Variants in BMPER observed in about 807,000 individuals in gnomAD.
BMPER encodes the protein BMP-binding endothelial regulator protein.
A neutral mutation model predicts 87.3 loss-of-function variants in BMPER; 45 were observed. The ratio of observed to expected loss-of-function variants is 0.52; its 90% CI spans 0.41 to 0.66. The LOEUF (loss-of-function observed/expected upper bound fraction) is 0.66, where lower values mean the gene tolerates loss of function less well. BMPER is among the 30% of genes least tolerant of loss of function. The pLI, the probability that BMPER is intolerant of heterozygous loss-of-function variation, is 0.00. For missense variants in BMPER, 784 were observed against 867.5 expected, an observed-to-expected ratio of 0.90 and a Z score of 1.21; for synonymous variants, 326 against 316.2, an observed-to-expected ratio of 1.03 and a Z score of -0.33.
intron 3 of BMPER, among the ~76,000 whole-genome samples, chr7:33,953,664 T>G (rs770927425): frequency 1.2e-4 from 18 of 152,134 alleles, no homozygotes; most frequent in Non-Finnish European, 2.1e-4. Context: ...AAATTTACCA[T>G]TTTGATCATT....
intron 11 of BMPER, among the ~76,000 whole-genome samples, chr7:34,064,983 A>G (rs1024581177): frequency 6.6e-6 from 1 of 152,128 alleles, no homozygotes. Context: ...TTTCTTTGTC[A>G]TTATATTCAG....
intron 6 of BMPER, among the ~76,000 whole-genome samples, chr7:34,010,252 C>T (rs1266981514): frequency 6.6e-6 from 1 of 151,886 alleles, no homozygotes; most frequent in African/African-American, 2.4e-5. Flanking sequence ...ATGACTTACT[C>T]CTTCCTCTAT....
At position 34,051,881 on chromosome 7, in the gene BMPER, C is replaced by T; in HGVS notation, c.697C>T (p.Leu233Phe). The stretch of plus-strand genomic sequence containing the variant: ...TCTAGGTCAGAGGAAAGTGTTTGAC[C>T]TCCCTTTTGGGAGCTGCCTCTTTCG... ...KCLGQRKVFD[L>F]PFGSCLFRSD... The change falls in exon 8 of 15, where the codon CTC (leucine) becomes TTC (phenylalanine). Residue 233 changes from leucine to phenylalanine, a missense_variant. By Grantham distance (22) the Leu-to-Phe change is conservative (BLOSUM62 0). Coordinates refer to ENST00000649409, the MANE Select transcript of BMPER (RefSeq NM_001365308.1). The T allele has an allele frequency of 6.2e-7, 1 of 1,613,850 alleles. No individual in the cohort carries two copies. The highest frequency in any genetic ancestry group is 8.5e-7 in the Non-Finnish European group (1 of 1,179,720).
intron 2 of BMPER, among the ~76,000 whole-genome samples, 191 bp from the exon 3 acceptor site, chr7:33,937,098 C>G (rs1222193782): frequency 6.6e-6 from 1 of 152,182 alleles, no homozygotes; most frequent in Non-Finnish European, 1.5e-5. Flanking sequence ...TGACTCTGAT[C>G]TCCAAAGTCC....
rs576096098 is a variant in BMPER at position 34,097,954 on chromosome 7, G to A, written c.1745+11862G>A. Among the ~76,000 whole-genome samples, 26 of 151,776 alleles carry A rather than the reference G, an allele frequency of 1.7e-4. No individual in the cohort carries two copies. In the South Asian group the frequency reaches 4.8e-3, roughly 28 times the overall value. On this transcript the variant is annotated intron_variant, in intron 13 of 14. Transcript: ENST00000649409. The stretch of plus-strand genomic sequence containing the variant: ...TAGACCAAAGTGGTGATTTGAGCTC[G>A]GTGGCATTTTCTTGGCCTGTAGTAG...
chr7:33,963,940 C>T (rs1785339143), intron 3 of BMPER, among the ~76,000 whole-genome samples: 1 of 152,150 alleles, frequency 6.6e-6, no homozygotes, highest in Non-Finnish European at 1.5e-5. Flanking sequence ...TTCCATCTCT[C>T]TGGAATTTAA....
At chr7:34,029,346 G>A (rs763031604) in intron 6 of BMPER, among the ~76,000 whole-genome samples, 2 of 151,998 alleles carry the variant, frequency 1.3e-5, no homozygotes, top group Non-Finnish European at 2.9e-5. Context: ...AGCGTTGGGG[G>A]ACCAGGCTAG....
chr7:34,139,033 C>A (rs10486632), intron 13 of BMPER, among the ~76,000 whole-genome samples: 115,687 of 152,174 alleles, frequency 0.76, 44,418 homozygotes, highest in East Asian at 0.91. Context: ...TGTGTCATAA[C>A]TTAGATTTTC....
intron 12 of BMPER, among the ~76,000 whole-genome samples, chr7:34,084,693 G>C (rs1789151591): frequency 6.6e-6 from 1 of 152,186 alleles, no homozygotes; most frequent in Non-Finnish European, 1.5e-5. Flanking sequence ...CACAGTGTCA[G>C]AGTGGATATG....
At chr7:34,053,934 A>G (rs1788211594) in intron 8 of BMPER, among the ~76,000 whole-genome samples, 1 of 152,174 alleles carries the variant, frequency 6.6e-6, no homozygotes, top group African/African-American at 2.4e-5. Flanking sequence ...TTCAAATTGG[A>G]CAATTTATCT....
chr7:33,951,146 C>T (rs763764412), intron 3 of BMPER, among the ~76,000 whole-genome samples: 1 of 151,798 alleles, frequency 6.6e-6, no homozygotes, highest in Non-Finnish European at 1.5e-5. Context: ...CTCCCAGGTT[C>T]AGTGGATTTT....
At chr7:34,065,404 C>G (rs534700595) in intron 11 of BMPER, among the ~76,000 whole-genome samples, 135 of 152,224 alleles carry the variant, frequency 8.9e-4, no homozygotes, top group Non-Finnish European at 1.6e-3. Flanking sequence ...AGTAGCATCC[C>G]CTGCAAGGTT....
intron 12 of BMPER, among the ~76,000 whole-genome samples, chr7:34,084,996 A>G (rs569872446): frequency 2.4e-4 from 36 of 152,350 alleles, no homozygotes; most frequent in Admixed American, 2.4e-3. Flanking sequence ...TGTATGCACA[A>G]GAAGAACTCT....
intron 3 of BMPER, among the ~76,000 whole-genome samples, chr7:33,947,744 A>T (rs1323395435): frequency 2.0e-5 from 3 of 152,316 alleles, no homozygotes; most frequent in East Asian, 3.9e-4. Flanking sequence ...ACTATGAATA[A>T]TGGTAATAGA....
At chr7:34,040,978 A>T (rs916726223) in intron 6 of BMPER, among the ~76,000 whole-genome samples, 1 of 152,212 alleles carries the variant, frequency 6.6e-6, no homozygotes, top group Admixed American at 6.5e-5. Context: ...TAAAAAGCAG[A>T]CATAAAGCTA....
chr7:33,963,623 GTC>G lies in BMPER; in HGVS notation c.320-2852_320-2851del, dbSNP rs946720594. Among the ~76,000 whole-genome samples, 45 of 152,074 alleles carry G rather than the reference GTC, an allele frequency of 3.0e-4. 1 individual carries two copies. Among genetic ancestry groups the G allele is most frequent in the Middle Eastern group, 3.4e-3 (1 of 294 alleles). Reference sequence around the variant, plus strand: ...AGCCTGGCCAACATGGTGAAACCCTGTCTCTACTAAAAATACAAAAATTAGCC... The same window carrying G: ...AGCCTGGCCAACATGGTGAAACCCTGTCTACTAAAAATACAAAAATTAGCC... On this transcript the variant is annotated intron_variant, in intron 3 of 14. Transcript: ENST00000649409.
chr7:34,041,455 A>C (rs758109279), intron 6 of BMPER, among the ~76,000 whole-genome samples: 20 of 152,164 alleles, frequency 1.3e-4, no homozygotes, highest in Admixed American at 3.9e-4. Context: ...TATTCTTTGC[A>C]GACCAAAAAC....
At chr7:33,966,669 G>C in intron 4 of BMPER, 108 bp downstream of exon 4, 8 of 1,052,874 alleles carry the variant, frequency 7.6e-6, no homozygotes, top group Non-Finnish European at 2.8e-6. Flanking sequence ...AAACAGAAAT[G>C]AAAAAAACAA....
intron 6 of BMPER, among the ~76,000 whole-genome samples, chr7:34,033,787 T>C (rs1326722336): frequency 1.3e-5 from 2 of 152,242 alleles, no homozygotes; most frequent in Non-Finnish European, 2.9e-5. Flanking sequence ...TCCACTTGTC[T>C]TCCGTTATCT....
Sources: gnomAD v4.1 joint callset for allele counts (sites outside exome capture counted in the v4.1 genomes callset) on GRCh38, gnomAD v4.1.1 for gene constraint, MANE v1.5 for transcripts, NCBI Gene and HGNC (gene_info 2026-07-23, HGNC 2026-07-21) for gene names.